Variants in DPYSL3 observed in about 807,000 individuals in gnomAD.
The protein encoded by DPYSL3 is dihydropyrimidinase like 3.
A neutral mutation model predicts 66.1 loss-of-function variants in DPYSL3; 16 were observed. The ratio of observed to expected loss-of-function variants is 0.24; its 90% CI spans 0.16 to 0.37. The LOEUF (loss-of-function observed/expected upper bound fraction) is 0.37, where lower values mean the gene tolerates loss of function less well. DPYSL3 is among the 10% of genes least tolerant of loss of function. The pLI is 1.00. For synonymous variants in DPYSL3, 338 were observed against 345.1 expected, an observed-to-expected ratio of 0.98 and a Z score of 0.23; for missense variants, 738 against 916.2, an observed-to-expected ratio of 0.81 and a Z score of 2.51.
At chr5:147,421,612 C>G (rs1409127982) in intron 2 of DPYSL3, among the ~76,000 whole-genome samples, 36 of 152,176 alleles carry the variant, frequency 2.4e-4, no homozygotes, top group Non-Finnish European at 1.5e-5. Flanking sequence ...TCAAACTACA[C>G]TATAATTTCA....
chr5:147,478,852 G>A (rs1274422129), intron 1 of DPYSL3, among the ~76,000 whole-genome samples: 1 of 152,160 alleles, frequency 6.6e-6, no homozygotes, highest in Non-Finnish European at 1.5e-5. Context: ...TGTACTGTAA[G>A]TGTGTCAGGG....
intron 1 of DPYSL3, among the ~76,000 whole-genome samples, chr5:147,460,855 G>A (rs1414196550): frequency 1.3e-5 from 2 of 152,152 alleles, no homozygotes; most frequent in African/African-American, 2.4e-5. Context: ...ACCCTGCAAC[G>A]CCATGCCTAA....
chr5:147,431,206 A>G (rs1191121921), intron 1 of DPYSL3, among the ~76,000 whole-genome samples: 2 of 152,216 alleles, frequency 1.3e-5, no homozygotes, highest in Non-Finnish European at 1.5e-5. Flanking sequence ...AGAAGAGAGG[A>G]AAAACCAGAC....
At chr5:147,497,510 A>G (rs1318773763) in intron 1 of DPYSL3, among the ~76,000 whole-genome samples, 8 of 152,222 alleles carry the variant, frequency 5.3e-5, no homozygotes, top group African/African-American at 1.9e-4. Flanking sequence ...CCATGTATAC[A>G]GAAAGTTACA....
chr5:147,446,247 A>C (rs1024248492), intron 1 of DPYSL3, among the ~76,000 whole-genome samples: 2 of 152,206 alleles, frequency 1.3e-5, no homozygotes, highest in African/African-American at 4.8e-5. Context: ...AGGGATAATA[A>C]GGGTTTGCCC....
At chr5:147,458,204 C>T (rs181033439) in intron 1 of DPYSL3, among the ~76,000 whole-genome samples, 8 of 152,130 alleles carry the variant, frequency 5.3e-5, no homozygotes, top group Admixed American at 1.3e-4. Flanking sequence ...GAGAGGAGGT[C>T]GGCACAAGAT....
chr5:147,420,150 C>A (rs1225851457), intron 2 of DPYSL3, among the ~76,000 whole-genome samples: 2 of 152,180 alleles, frequency 1.3e-5, no homozygotes, highest in Admixed American at 1.3e-4. Context: ...TGGATGTGGG[C>A]TATCTGGATT....
chr5:147,408,062 G>A (rs1751751856), intron 7 of DPYSL3, among the ~76,000 whole-genome samples: 1 of 152,200 alleles, frequency 6.6e-6, no homozygotes, highest in African/African-American at 2.4e-5. Context: ...TGACAGGACA[G>A]AAACAGGACT....
At chr5:147,439,619 T>A (rs748653086) in intron 1 of DPYSL3, among the ~76,000 whole-genome samples, 10 of 152,120 alleles carry the variant, frequency 6.6e-5, no homozygotes, top group Non-Finnish European at 1.2e-4. Flanking sequence ...CACCTGGTTA[T>A]CATGAATAGA....
chr5:147,434,308 T>G (rs1289459768), intron 1 of DPYSL3, among the ~76,000 whole-genome samples: 1 of 152,210 alleles, frequency 6.6e-6, no homozygotes, highest in Non-Finnish European at 1.5e-5. Context: ...ATTTATATGA[T>G]AGTTTTGTGT....
intron 1 of DPYSL3, among the ~76,000 whole-genome samples, chr5:147,481,990 A>G (rs1226006674): frequency 2.6e-5 from 4 of 152,212 alleles, no homozygotes; most frequent in African/African-American, 9.7e-5. Context: ...TGATGTAGGA[A>G]GATTTGCCAC....
At chr5:147,411,040 A>G (rs923117879) in intron 6 of DPYSL3, among the ~76,000 whole-genome samples, 12 of 152,192 alleles carry the variant, frequency 7.9e-5, no homozygotes, top group Non-Finnish European at 1.8e-4. Flanking sequence ...GCTAGAATTA[A>G]CTGCCAGAGA....
intron 1 of DPYSL3, among the ~76,000 whole-genome samples, chr5:147,505,792 C>T (rs1360108742): frequency 6.6e-6 from 1 of 152,102 alleles, no homozygotes; most frequent in Non-Finnish European, 1.5e-5. Flanking sequence ...GCTGGTGGCA[C>T]AATAGAAGAA....
chr5:147,503,207 A>G (rs887325251), intron 1 of DPYSL3, among the ~76,000 whole-genome samples: 5 of 152,244 alleles, frequency 3.3e-5, no homozygotes, highest in Non-Finnish European at 5.9e-5. Context: ...TTGTTGGACA[A>G]GACAAGCCAC....
In DPYSL3 at chr5:147,509,351, C is replaced by T; in HGVS notation, c.381+127G>A. On this transcript the variant is annotated intron_variant, in intron 1 of 13. Coordinates refer to ENST00000343218, the MANE Select transcript of DPYSL3 (RefSeq NM_001197294.2). The surrounding 1 kb of genome is among the most constrained non-coding windows in gnomAD (Gnocchi z 5.3). The stretch of plus-strand genomic sequence containing the variant: ...TCGCGCTACGCTCAGTGGAGGATGA[C>T]CCTTTCCTCCTCCTTGTCCCCCAGC... The T allele has an allele frequency of 7.9e-7, 1 of 1,261,462 alleles. No homozygotes were observed. Among genetic ancestry groups the T allele is most frequent in the Non-Finnish European group, 1.1e-6 (1 of 944,132 alleles). 78.1% of individuals were successfully genotyped at this position (1,261,462 alleles called of 1,614,324 possible). A position where few individuals can be genotyped will look rare whatever the true frequency, so the allele number is the denominator to read the frequency against.
chr5:147,482,408 T>C (rs983193166), intron 1 of DPYSL3, among the ~76,000 whole-genome samples: 3 of 152,230 alleles, frequency 2.0e-5, no homozygotes, highest in Non-Finnish European at 1.5e-5. Flanking sequence ...CCCATGGCCA[T>C]TCTTCTCCAT....
At chr5:147,446,585 C>T (rs965919269) in intron 1 of DPYSL3, among the ~76,000 whole-genome samples, 3 of 152,140 alleles carry the variant, frequency 2.0e-5, no homozygotes, top group South Asian at 2.1e-4. Flanking sequence ...TGTTTCTCCG[C>T]GTGACTGAAG....
At chr5:147,425,117 G>C (rs1403978664) in intron 1 of DPYSL3, among the ~76,000 whole-genome samples, 154 bp from the exon 2 acceptor site, 9 of 152,162 alleles carry the variant, frequency 5.9e-5, no homozygotes, top group Admixed American at 5.9e-4. Flanking sequence ...ATTTAAAGTA[G>C]GTGTATTTGT....
intron 1 of DPYSL3, among the ~76,000 whole-genome samples, chr5:147,439,959 C>T (rs1752501813): frequency 6.6e-6 from 1 of 152,212 alleles, no homozygotes; most frequent in South Asian, 2.1e-4. Context: ...GCAGCTTCGA[C>T]AGAGCCATCT....
Sources: allele counts gnomAD v4.1 joint callset (sites outside exome capture counted in the v4.1 genomes callset), GRCh38; gene constraint gnomAD v4.1.1; non-coding constraint Gnocchi (gnomAD v3.1); transcripts MANE v1.5; gene names NCBI Gene and HGNC (gene_info 2026-07-23, HGNC 2026-07-21).